The following TOX3 variants were observed in gnomAD, a reference collection of about 807,000 sequenced individuals.
The protein encoded by TOX3 is TOX high mobility group box family member 3, also known as CAG trinucleotide repeat-containing gene F9 protein.
A neutral mutation model predicts 64.3 loss-of-function variants in TOX3; 22 were observed. The ratio of observed to expected loss-of-function variants is 0.34; its 90% CI spans 0.24 to 0.49. The LOEUF is 0.49. Among genes scored for constraint, TOX3 ranks in the 20% least tolerant of loss-of-function variants. TOX3 has a pLI of 0.99. For missense variants in TOX3, 661 were observed against 714.4 expected (o/e 0.93, Z 0.85); for synonymous variants, 291 against 273.6 (o/e 1.06, Z -0.63).
At chr16:52,493,706 C>T (rs368458128) in intron 1 of TOX3, among the ~76,000 whole-genome samples, 9 of 152,254 alleles carry the variant, frequency 5.9e-5, no homozygotes, top group East Asian at 5.8e-4. Flanking sequence ...AAGAACAAGG[C>T]TTCTCATCTA....
In TOX3 at chr16:52,438,089, T is replaced by C. The variant is rs138057965; in HGVS notation, c.*1136A>G. The C allele has an allele frequency of 4.0e-3, 613 of 152,804 alleles. 5 individuals carry two copies. The highest frequency in any genetic ancestry group is 0.014 in the African/African-American group (582 of 41,594). 9.5% of individuals were successfully genotyped at this position (152,804 alleles called of 1,614,324 possible). ...ATACAGTCCACAGTTTTTACTGAAA[T>C]GTGTTTATTCTATAGCAAGATAAAA... On this transcript the variant is annotated 3_prime_UTR_variant, in exon 7 of 7. Transcript: ENST00000219746.
intron 1 of TOX3, among the ~76,000 whole-genome samples, chr16:52,499,963 G>A (rs142886563): frequency 2.0e-5 from 3 of 152,270 alleles, no homozygotes; most frequent in East Asian, 1.9e-4. Flanking sequence ...CACAAGGGTC[G>A]CTGGCTACAA....
chr16:52,449,353 T>C (rs1960264359), intron 4 of TOX3, among the ~76,000 whole-genome samples: 1 of 152,178 alleles, frequency 6.6e-6, no homozygotes, highest in Non-Finnish European at 1.5e-5. Context: ...ACTTCCACTG[T>C]TCCTCACTAG....
intron 6 of TOX3, among the ~76,000 whole-genome samples, chr16:52,441,984 C>G (rs999106286): frequency 1.3e-5 from 2 of 152,160 alleles, no homozygotes; most frequent in Non-Finnish European, 2.9e-5. Flanking sequence ...TAAACATGTA[C>G]ATAATTCTTA....
chr16:52,509,674 A>T (rs1406294532), intron 1 of TOX3, among the ~76,000 whole-genome samples: 1 of 152,216 alleles, frequency 6.6e-6, no homozygotes, highest in Admixed American at 6.5e-5. Flanking sequence ...ATTCCTCCAG[A>T]TGATGCAATG....
At chr16:52,484,975 A>T (rs2151451897) in intron 1 of TOX3, among the ~76,000 whole-genome samples, 1 of 151,912 alleles carries the variant, frequency 6.6e-6, no homozygotes, top group South Asian at 2.1e-4. Context: ...CACAATAGCA[A>T]AGTCATGGAA....
chr16:52,476,180 C>T (rs1171667120), intron 1 of TOX3, among the ~76,000 whole-genome samples: 1 of 152,126 alleles, frequency 6.6e-6, no homozygotes, highest in African/African-American at 2.4e-5. Context: ...AGGATGGGAA[C>T]ATCCAAACTT....
At chr16:52,536,715 A>C (rs2151488285) in intron 1 of TOX3, among the ~76,000 whole-genome samples, 1 of 140,412 alleles carries the variant, frequency 7.1e-6, no homozygotes, top group East Asian at 2.1e-4. Context: ...TTCTCACTCT[A>C]TATCCATACA....
intron 1 of TOX3, among the ~76,000 whole-genome samples, chr16:52,503,335 C>T (rs1314453010): frequency 2.6e-5 from 4 of 152,296 alleles, no homozygotes; most frequent in African/African-American, 9.6e-5. Flanking sequence ...AATTAAGATG[C>T]TGACAGCCCT....
At chr16:52,521,187 A>G (rs1192975181) in intron 1 of TOX3, among the ~76,000 whole-genome samples, 2 of 152,226 alleles carry the variant, frequency 1.3e-5, no homozygotes, top group Admixed American at 1.3e-4. Flanking sequence ...ATTCGCACCA[A>G]ACTGAGATTT....
At chr16:52,501,678 A>AAC (rs1567338190) in intron 1 of TOX3, among the ~76,000 whole-genome samples, 1 of 129,218 alleles carries the variant, frequency 7.7e-6, no homozygotes, top group African/African-American at 4.8e-5. Flanking sequence ...ACAAACAAAC[A>AAC]AACAAAAAAA....
Position 52,546,834 on chromosome 16 carries a change from G to A in TOX3, c.-111C>T. The stretch of plus-strand genomic sequence containing the variant: ...CGAGGGCGCCCGGGGGTGGCGCGTG[G>A]GACTCGCGGCCGGAGGGGCGCCGGG... On this transcript the variant is annotated 5_prime_UTR_variant, in exon 1 of 7. Transcript: ENST00000219746. 1 of 1,251,528 alleles carries A rather than the reference G, an allele frequency of 8.0e-7. No homozygotes were observed. The highest frequency in any genetic ancestry group is 1.0e-6 in the Non-Finnish European group (1 of 998,268). 77.5% of individuals were successfully genotyped at this position (1,251,528 alleles called of 1,614,324 possible). A position where few individuals can be genotyped will look rare whatever the true frequency, so the allele number is the denominator to read the frequency against.
At chr16:52,538,554 A>T (rs1963009593) in intron 1 of TOX3, among the ~76,000 whole-genome samples, 2 of 152,192 alleles carry the variant, frequency 1.3e-5, no homozygotes, top group East Asian at 1.9e-4. Context: ...ATAAGGCTAC[A>T]TTAAATTTGC....
Position 52,546,764 on chromosome 16 carries a change from C to A in TOX3, c.-41G>T. On this transcript the variant is annotated 5_prime_UTR_variant, in exon 1 of 7. Coordinates refer to ENST00000219746, the MANE Select transcript of TOX3 (RefSeq NM_001080430.4). ...GGGGCCGGGGGCCGGGACTGGGGTTCGCCGGGGCCGGGACCCGCCTCCTCG... is the reference window on the plus strand; with the variant it reads ...GGGGCCGGGGGCCGGGACTGGGGTTAGCCGGGGCCGGGACCCGCCTCCTCG... The A allele has an allele frequency of 2.0e-6, 3 of 1,464,024 alleles. No homozygotes were observed. The highest frequency in any genetic ancestry group is 2.7e-6 in the Non-Finnish European group (3 of 1,109,552). The allele number at this position is 1,464,024 out of a possible 1,614,324, so 90.7% of individuals were successfully genotyped here.
At chr16:52,534,858 C>T (rs1048949243) in intron 1 of TOX3, among the ~76,000 whole-genome samples, 8 of 152,054 alleles carry the variant, frequency 5.3e-5, no homozygotes, top group African/African-American at 1.9e-4. Context: ...AATGGCACTA[C>T]AAAAACTCAG....
chr16:52,509,976 C>G (rs541414754), intron 1 of TOX3, among the ~76,000 whole-genome samples: 12 of 152,014 alleles, frequency 7.9e-5, no homozygotes, highest in Non-Finnish European at 1.5e-4. Context: ...CAGTCCTGCC[C>G]CTACCAGAAA....
chr16:52,546,696 C>T lies in TOX3; in HGVS notation c.28G>A (p.Ala10Thr), dbSNP rs377130942. MDVRFYPAAAGDPASLDFAQ... is the reference protein window; with the variant it reads MDVRFYPAATGDPASLDFAQ... ...AAGTCCAGGCTGGCAGGGTCCCCGG[C>T]CGCCGCGGGGTAGAACCTCACATCC... is the stretch of plus-strand genomic sequence containing the variant. Residue 10 changes from alanine to threonine, a missense_variant, in exon 1 of 7, where the codon GCC becomes ACC. By Grantham distance (58) the Ala-to-Thr change is moderately conservative. Around this residue, in one of 3 missense-constraint regions of TOX3, gnomAD observed 259 missense variants for 261.2 expected, o/e 0.99. Coordinates refer to ENST00000219746, the MANE Select transcript of TOX3 (RefSeq NM_001080430.4). The T allele has an allele frequency of 1.3e-6, 2 of 1,540,980 alleles. No individual in the cohort carries two copies. The highest frequency in any genetic ancestry group is 8.7e-7 in the Non-Finnish European group (1 of 1,147,318).
At chr16:52,471,307 G>C (rs145485907) in intron 1 of TOX3, among the ~76,000 whole-genome samples, 1 of 152,216 alleles carries the variant, frequency 6.6e-6, no homozygotes, top group Non-Finnish European at 1.5e-5. Context: ...AGTAATGCTA[G>C]CTTGATCTTA....
Position 52,464,101 on chromosome 16 carries a change from T to C in TOX3, c.241A>G (p.Met81Val), listed in dbSNP as rs1258115667. The C allele has an allele frequency of 6.2e-6, 10 of 1,600,742 alleles. No homozygotes were observed. Among genetic ancestry groups the C allele is most frequent in the East Asian group, 2.3e-5 (1 of 43,938 alleles). The change falls in exon 3 of 7, where the codon ATG becomes GTG. Residue 81 changes from methionine to valine, a missense_variant. This residue lies in a region of TOX3 where 259 missense variants were observed against 261.2 expected (regional missense o/e 0.99). Transcript: ENST00000219746. The part of the protein sequence containing the change: ...PPPESDPALG[M>V]PDVLLPFQAL... ...TGAAAGGGTAGCAGTACATCCGGCA[T>C]GCCTAGGGCAGGGTCTGACTCTGGA...
Sources: gnomAD v4.1 joint callset for allele counts (sites outside exome capture counted in the v4.1 genomes callset) on GRCh38, gnomAD v4.1.1 for gene constraint, gnomAD v4.1.1 regional missense constraint, MANE v1.5 for transcripts, NCBI Gene and HGNC (gene_info 2026-07-23, HGNC 2026-07-21) for gene names.